Variants in SLC1A1 observed in about 807,000 individuals in gnomAD.
SLC1A1 encodes the protein solute carrier family 1 member 1.
Under a neutral mutation model 53.3 loss-of-function variants are expected in SLC1A1, and 43 were observed. The ratio of observed to expected loss-of-function variants is 0.81; its 90% confidence interval spans 0.63 to 1.04. SLC1A1 has a LOEUF of 1.04. Ranked by LOEUF, SLC1A1 falls within the 50% of genes least tolerant of loss-of-function variation. The pLI, the probability that SLC1A1 is intolerant of heterozygous loss-of-function variation, is 0.00. For missense variants in SLC1A1, 748 were observed against 664.9 expected, an observed-to-expected ratio of 1.12 and a Z score of -1.37; for synonymous variants, 307 against 243.2, an observed-to-expected ratio of 1.26 and a Z score of -2.44.
intron 10 of SLC1A1, among the ~76,000 whole-genome samples, chr9:4,581,845 TTGAC>T (rs1432352470): frequency 6.6e-6 from 1 of 152,220 alleles, no homozygotes; most frequent in Non-Finnish European, 1.5e-5. Context: ...TGGCCTGTGT[TTGAC>T]TGTACCCTCA....
In SLC1A1 at chr9:4,583,853, T is replaced by TTCTCTC. The variant is rs373604899; in HGVS notation, c.1328+706_1328+711dup. On this transcript the variant is annotated intron_variant, in intron 11 of 11. Transcript: ENST00000262352. The surrounding 1 kb of genome is among the most constrained non-coding windows in gnomAD (Gnocchi z 4.6). ...CCATTCAGGCCCCAATCAACAACAC[T>TTCTCTC]TCTCTCTCTCTCTCTCTCTCTCTCT... Among the ~76,000 whole-genome samples the TTCTCTC allele has an allele frequency of 6.4e-3, 882 of 136,948 alleles. 4 individuals are homozygous for TTCTCTC. The highest frequency in any genetic ancestry group is 0.023 in the Middle Eastern group (6 of 266). The allele number at this position is 136,948 out of a possible 152,430, so 89.8% of individuals were successfully genotyped here.
chr9:4,507,683 T>C (rs994214040), intron 1 of SLC1A1, among the ~76,000 whole-genome samples: 41 of 152,116 alleles, frequency 2.7e-4, no homozygotes, highest in African/African-American at 9.7e-4. Context: ...GGCTGAAGAA[T>C]GTTGTGGAGA....
At chr9:4,565,259 A>G (rs922657016) in intron 4 of SLC1A1, among the ~76,000 whole-genome samples, 4 of 152,228 alleles carry the variant, frequency 2.6e-5, no homozygotes, top group Admixed American at 2.0e-4. Flanking sequence ...ACTGGTTTAC[A>G]TAATATGAAA....
chr9:4,582,856 C>T (rs558964756), intron 10 of SLC1A1, among the ~76,000 whole-genome samples, 182 bp from the exon 11 acceptor site: 27 of 152,328 alleles, frequency 1.8e-4, no homozygotes, highest in African/African-American at 6.5e-4. Flanking sequence ...TCCCCCTCCC[C>T]CCACAGCTCT....
At chr9:4,578,205 T>G (rs138153355) in intron 10 of SLC1A1, among the ~76,000 whole-genome samples, 72 of 152,358 alleles carry the variant, frequency 4.7e-4, no homozygotes, top group African/African-American at 1.6e-3. Flanking sequence ...TCTTCAAATG[T>G]GTAAGTCACA....
Position 4,490,584 on chromosome 9 carries a change from C to A in SLC1A1, c.-96C>A, listed in dbSNP as rs1820193566. On this transcript the variant is annotated 5_prime_UTR_variant, in exon 1 of 12. Transcript: ENST00000262352. ...CCGGCTCTCACCTCTCCCCTGTGCACCCGCATCTCGCCGCGCCGCCGAGCA... is the reference window on the plus strand; with the variant it reads ...CCGGCTCTCACCTCTCCCCTGTGCAACCGCATCTCGCCGCGCCGCCGAGCA... 1.0e-6 allele frequency: 1 copy of A among 974,450 alleles called. No homozygotes were observed. The highest frequency in any genetic ancestry group is 2.9e-4 in the Middle Eastern group (1 of 3,452). 60.4% of individuals were successfully genotyped at this position (974,450 alleles called of 1,614,324 possible).
chr9:4,562,794 A>G (rs541568655), intron 3 of SLC1A1, among the ~76,000 whole-genome samples: 3 of 151,950 alleles, frequency 2.0e-5, no homozygotes, highest in Non-Finnish European at 2.9e-5. Flanking sequence ...TATGTGCCAC[A>G]TTTTCTTAAT....
chr9:4,570,418 C>A (rs1269056765), intron 6 of SLC1A1, among the ~76,000 whole-genome samples: 1 of 151,862 alleles, frequency 6.6e-6, no homozygotes, highest in African/African-American at 2.4e-5. Context: ...ATCGCCCAGG[C>A]TGGAGTGCAG....
At chr9:4,538,942 G>A (rs549364724) in intron 1 of SLC1A1, among the ~76,000 whole-genome samples, 6 of 152,272 alleles carry the variant, frequency 3.9e-5, no homozygotes, top group Admixed American at 1.3e-4. Flanking sequence ...CTCCCAAAGG[G>A]CAAAAAGACA....
intron 6 of SLC1A1, among the ~76,000 whole-genome samples, chr9:4,569,579 C>T (rs999898065): frequency 1.4e-4 from 22 of 152,326 alleles, no homozygotes; most frequent in African/African-American, 5.1e-4. Flanking sequence ...CTCTCAACTT[C>T]ACACAGGAAG....
intron 2 of SLC1A1, 27 bp downstream of exon 2, chr9:4,544,734 A>G (rs777626723): frequency 2.4e-5 from 38 of 1,579,516 alleles, no homozygotes; most frequent in Middle Eastern, 1.7e-4. Flanking sequence ...GATGTTCTCT[A>G]TATTAGTCCA....
At chr9:4,498,109 T>C (rs1586687352) in intron 1 of SLC1A1, among the ~76,000 whole-genome samples, 1 of 152,216 alleles carries the variant, frequency 6.6e-6, no homozygotes, top group African/African-American at 2.4e-5. Flanking sequence ...TAAGAACCTT[T>C]AGCTTTATGA....
chr9:4,572,846 G>C (rs1236449646), intron 7 of SLC1A1, among the ~76,000 whole-genome samples: 1 of 152,128 alleles, frequency 6.6e-6, no homozygotes, highest in African/African-American at 2.4e-5. Flanking sequence ...ACCACACCCA[G>C]CCACCACTAG....
intron 6 of SLC1A1, 147 bp from the exon 7 acceptor site, chr9:4,572,057 T>G: frequency 4.3e-6 from 3 of 691,832 alleles, no homozygotes; most frequent in Non-Finnish European, 7.6e-6. Context: ...TTATTATTGT[T>G]TTTATATTTT....
chr9:4,575,612 G>A (rs1318846440), intron 8 of SLC1A1, among the ~76,000 whole-genome samples: 1 of 152,184 alleles, frequency 6.6e-6, no homozygotes, highest in East Asian at 1.9e-4. Flanking sequence ...GTGAGGGAAG[G>A]CTTCCTGGAG....
chr9:4,505,139 C>G (rs535193246), intron 1 of SLC1A1, among the ~76,000 whole-genome samples: 2 of 150,456 alleles, frequency 1.3e-5, no homozygotes, highest in Non-Finnish European at 3.0e-5. Context: ...CTCCGCCTCC[C>G]AGGTTCAAGC....
chr9:4,507,735 C>T (rs560363541), intron 1 of SLC1A1, among the ~76,000 whole-genome samples: 18 of 152,212 alleles, frequency 1.2e-4, no homozygotes, highest in Admixed American at 3.9e-4. Flanking sequence ...AGAGTTCGCC[C>T]AGGAGTTCCA....
intron 1 of SLC1A1, among the ~76,000 whole-genome samples, chr9:4,529,724 C>T (rs1816396414): frequency 6.6e-6 from 1 of 152,082 alleles, no homozygotes; most frequent in Non-Finnish European, 1.5e-5. Context: ...GAGATGGTGT[C>T]TCATTATGTT....
chr9:4,550,218 T>C (rs1441418758), intron 2 of SLC1A1, among the ~76,000 whole-genome samples: 1 of 152,190 alleles, frequency 6.6e-6, no homozygotes, highest in Non-Finnish European at 1.5e-5. Flanking sequence ...GGTGACTGGA[T>C]TTACAATTGA....
Sources: gnomAD v4.1 joint callset for allele counts (sites outside exome capture counted in the v4.1 genomes callset) on GRCh38, gnomAD v4.1.1 for gene constraint, Gnocchi (gnomAD v3.1) non-coding constraint, MANE v1.5 for transcripts, NCBI Gene and HGNC (gene_info 2026-07-23, HGNC 2026-07-21) for gene names.